The following RNF220 variants were observed in gnomAD, a reference collection of about 807,000 sequenced individuals.
RNF220 encodes the protein E3 ubiquitin-protein ligase RNF220.
Under a neutral mutation model 67.1 loss-of-function variants are expected in RNF220, and 7 were observed. The observed-to-expected ratio is 0.10, with a 90% confidence interval of 0.06 to 0.20. RNF220 has a LOEUF of 0.20. Ranked by LOEUF, RNF220 falls within the 10% of genes least tolerant of loss-of-function variation. The pLI, the probability that RNF220 is intolerant of heterozygous loss-of-function variation, is 1.00. For missense variants in RNF220, 565 were observed against 740.3 expected (o/e 0.76, Z 2.75); for synonymous variants, 270 against 283.2 (o/e 0.95, Z 0.47).
At chr1:44,570,702 G>C (rs1261626563) in intron 2 of RNF220, among the ~76,000 whole-genome samples, 1 of 152,142 alleles carries the variant, frequency 6.6e-6, no homozygotes, top group Non-Finnish European at 1.5e-5. Context: ...TCTCACACTT[G>C]TGCTATTGCA....
chr1:44,619,804 G>A (rs1231639808), intron 3 of RNF220, among the ~76,000 whole-genome samples: 2 of 152,162 alleles, frequency 1.3e-5, no homozygotes, highest in African/African-American at 4.8e-5. Flanking sequence ...AGGCCCTTCA[G>A]CAGACTCCTC....
rs1156254655 is a variant in RNF220 at position 44,600,422 on chromosome 1, G to T, written c.626-13743G>T. On this transcript the variant is annotated intron_variant, in intron 2 of 14. Coordinates refer to ENST00000361799, the MANE Select transcript of RNF220 (RefSeq NM_018150.4). The surrounding 1 kb of genome is among the most constrained non-coding windows in gnomAD (Gnocchi z 4.0). ...TAGCGTGACTAAGAGCATGCATGGGGCTGTGGTATTACATAAGTCCCACAC... is the reference window on the plus strand; with the variant it reads ...TAGCGTGACTAAGAGCATGCATGGGTCTGTGGTATTACATAAGTCCCACAC... Among the ~76,000 whole-genome samples, 2 of 152,186 alleles carry T rather than the reference G, an allele frequency of 1.3e-5. No individual in the cohort carries two copies. The highest frequency in any genetic ancestry group is 2.1e-4 in the South Asian group (1 of 4,822).
chr1:44,459,836 A>G (rs6664827), intron 2 of RNF220, among the ~76,000 whole-genome samples: 34,561 of 152,120 alleles, frequency 0.23, 4,091 homozygotes, highest in Middle Eastern at 0.28. Flanking sequence ...GTCAGATTAG[A>G]CAATACCTAG....
chr1:44,456,988 G>A (rs1653255031), intron 2 of RNF220, among the ~76,000 whole-genome samples: 1 of 151,844 alleles, frequency 6.6e-6, no homozygotes, highest in South Asian at 2.1e-4. Context: ...AACCCCTCCT[G>A]CTCCTACCTA....
At chr1:44,499,178 A>T (rs1657610028) in intron 2 of RNF220, among the ~76,000 whole-genome samples, 1 of 152,066 alleles carries the variant, frequency 6.6e-6, no homozygotes, top group African/African-American at 2.4e-5. Flanking sequence ...TGTCTCCCTG[A>T]ATCTCACCAT....
chr1:44,446,731 G>A (rs889650733), intron 2 of RNF220, among the ~76,000 whole-genome samples: 1 of 151,984 alleles, frequency 6.6e-6, no homozygotes, highest in Non-Finnish European at 1.5e-5. Flanking sequence ...GCTAATTTTT[G>A]TATTTTTAGT....
rs572381096 is a variant in RNF220, at chr1:44,515,231, G to C, written c.626-98934G>C. On this transcript the variant is annotated intron_variant, in intron 2 of 14. Coordinates refer to ENST00000361799, the MANE Select transcript of RNF220 (RefSeq NM_018150.4). ...AGACCACTAGGGGAATCCAGAACAC[G>C]GGGTGGATGTCACTGGGGACGGGAG... is the stretch of plus-strand genomic sequence containing the variant. Among the ~76,000 whole-genome samples, 507 of 152,284 alleles carry C rather than the reference G, an allele frequency of 3.3e-3. 6 individuals carry two copies. Among genetic ancestry groups the C allele is most frequent in the Admixed American group, 0.012 (177 of 15,294 alleles).
chr1:44,640,332 G>A lies in RNF220; in HGVS notation c.1126+4170G>A, dbSNP rs990253280. ...GTTGGAACAGCACACTGCTGGAGGC[G>A]GTCTTGGAGTGGAGAGGGTTGGGCT... On this transcript the variant is annotated intron_variant, in intron 8 of 14. Transcript: ENST00000361799. 3.9e-5 allele frequency among the ~76,000 whole-genome samples: 6 copies of A among 152,230 alleles called. No individual in the cohort carries two copies. The East Asian group carries it at 5.8e-4, about 15-fold the overall frequency.
chr1:44,461,978 A>C (rs556169804), intron 2 of RNF220, among the ~76,000 whole-genome samples: 60 of 127,484 alleles, frequency 4.7e-4, no homozygotes, highest in Non-Finnish European at 7.2e-4. Context: ...CCCAGGCTGG[A>C]GTGCAGTGGT....
At chr1:44,443,668 G>T (rs560443070) in intron 2 of RNF220, among the ~76,000 whole-genome samples, 24 of 152,172 alleles carry the variant, frequency 1.6e-4, no homozygotes, top group East Asian at 1.9e-4. Flanking sequence ...GAGTATTTTG[G>T]TTTTTTCCCC....
intron 2 of RNF220, chr1:44,424,017 C>T (rs1156695877): frequency 2.4e-5 from 24 of 985,288 alleles, no homozygotes; most frequent in African/African-American, 5.2e-5. Flanking sequence ...TCTTCATCAT[C>T]GCTCTACATC....
At chr1:44,547,273 C>A (rs1662241252) in intron 2 of RNF220, among the ~76,000 whole-genome samples, 1 of 152,314 alleles carries the variant, frequency 6.6e-6, no homozygotes, top group Middle Eastern at 3.4e-3. Context: ...CCCTTCACTG[C>A]CTCACTGCTC....
At chr1:44,406,292 C>G (rs921424680) in intron 1 of RNF220, among the ~76,000 whole-genome samples, 45 of 152,270 alleles carry the variant, frequency 3.0e-4, no homozygotes, top group African/African-American at 1.1e-3. Flanking sequence ...CAGGTGCTAG[C>G]ATAGAGGCGG....
intron 2 of RNF220, among the ~76,000 whole-genome samples, chr1:44,578,668 T>C (rs1017908750): frequency 1.3e-5 from 2 of 152,144 alleles, no homozygotes; most frequent in Admixed American, 6.5e-5. Flanking sequence ...ATGTCCAGTT[T>C]GGGAGAAGAG....
At chr1:44,573,260 T>A (rs1230647278) in intron 2 of RNF220, among the ~76,000 whole-genome samples, 1 of 149,184 alleles carries the variant, frequency 6.7e-6, no homozygotes, top group Non-Finnish European at 1.5e-5. Flanking sequence ...AGTTTGAACT[T>A]CTTCTTGTTT....
At chr1:44,482,324 G>A (rs1037649060) in intron 2 of RNF220, among the ~76,000 whole-genome samples, 2 of 152,142 alleles carry the variant, frequency 1.3e-5, no homozygotes, top group South Asian at 2.1e-4. Context: ...GGATCCCTGG[G>A]GCTCCCTTCT....
At chr1:44,569,226 A>G (rs544448707) in intron 2 of RNF220, among the ~76,000 whole-genome samples, 1 of 152,220 alleles carries the variant, frequency 6.6e-6, no homozygotes, top group South Asian at 2.1e-4. Flanking sequence ...CCGCCCCACT[A>G]TCCCCAAAAA....
chr1:44,516,731 T>C (rs2148140681), intron 2 of RNF220, among the ~76,000 whole-genome samples: 1 of 152,296 alleles, frequency 6.6e-6, no homozygotes, highest in South Asian at 2.1e-4. Context: ...TCATTTCATA[T>C]TATTTCCATT....
chr1:44,604,744 A>G (rs1667156037), intron 2 of RNF220, among the ~76,000 whole-genome samples: 1 of 152,186 alleles, frequency 6.6e-6, no homozygotes, highest in African/African-American at 2.4e-5. Flanking sequence ...GGCACCTTCT[A>G]TTGCTAGAGA....
Sources: gnomAD v4.1 joint callset for allele counts (sites outside exome capture counted in the v4.1 genomes callset) on GRCh38, gnomAD v4.1.1 for gene constraint, Gnocchi (gnomAD v3.1) non-coding constraint, MANE v1.5 for transcripts, NCBI Gene and HGNC (gene_info 2026-07-23, HGNC 2026-07-21) for gene names.